Variants in MAML2 observed in about 807,000 individuals in gnomAD.
MAML2 encodes mastermind-like protein 2.
Under a neutral mutation model 96.1 loss-of-function variants are expected in MAML2, and 22 were observed. That is an observed-to-expected ratio of 0.23 (90% CI 0.16 to 0.33). MAML2 has a LOEUF of 0.33. Among genes scored for constraint, MAML2 ranks in the 10% least tolerant of loss-of-function variants. MAML2 has a pLI of 1.00. For missense variants in MAML2, 1,367 were observed against 1,392.4 expected, an observed-to-expected ratio of 0.98 and a Z score of 0.29; for synonymous variants, 561 against 521.3, an observed-to-expected ratio of 1.08 and a Z score of -1.04.
intron 1 of MAML2, among the ~76,000 whole-genome samples, chr11:96,197,548 C>T (rs1229846965): frequency 1.3e-5 from 2 of 152,194 alleles, no homozygotes; most frequent in Admixed American, 6.5e-5. Flanking sequence ...TTCCATTTCT[C>T]ATTTCTCGTA....
At chr11:96,286,248 C>A (rs1863137800) in intron 1 of MAML2, among the ~76,000 whole-genome samples, 1 of 152,224 alleles carries the variant, frequency 6.6e-6, no homozygotes, top group Non-Finnish European at 1.5e-5. Context: ...ACTGCATTTT[C>A]TCACTTATAA....
At chr11:96,278,944 G>C (rs1368452166) in intron 1 of MAML2, among the ~76,000 whole-genome samples, 1 of 152,156 alleles carries the variant, frequency 6.6e-6, no homozygotes, top group Non-Finnish European at 1.5e-5. Flanking sequence ...TGTGGCAGTG[G>C]CAGTGGGTAT....
At chr11:96,083,834 C>A (rs947647072) in intron 2 of MAML2, among the ~76,000 whole-genome samples, 1 of 152,066 alleles carries the variant, frequency 6.6e-6, no homozygotes, top group Non-Finnish European at 1.5e-5. Context: ...GGGAGATTCA[C>A]AAGAACAAAG....
chr11:95,994,749 A>G (rs910617705), intron 2 of MAML2, among the ~76,000 whole-genome samples: 1 of 152,246 alleles, frequency 6.6e-6, no homozygotes, highest in Non-Finnish European at 1.5e-5. Context: ...AAGACTTTCA[A>G]AAGAAGATTT....
At chr11:96,106,510 CT>C (rs1333065585) in intron 1 of MAML2, among the ~76,000 whole-genome samples, 1 of 152,176 alleles carries the variant, frequency 6.6e-6, no homozygotes, top group Non-Finnish European at 1.5e-5. Context: ...CTGACTGCCC[CT>C]GATTAGAAGG....
intron 1 of MAML2, among the ~76,000 whole-genome samples, chr11:96,273,738 T>C (rs1055902299): frequency 6.6e-6 from 1 of 152,154 alleles, no homozygotes; most frequent in African/African-American, 2.4e-5. Flanking sequence ...CCCTAAATTA[T>C]TGAGATTTAA....
At chr11:96,103,144 A>T (rs1235644963) in intron 1 of MAML2, among the ~76,000 whole-genome samples, 2 of 151,972 alleles carry the variant, frequency 1.3e-5, no homozygotes, top group Admixed American at 1.3e-4. Context: ...TCTGTCTTAT[A>T]TTGTTCTTGG....
At chr11:96,337,130 TA>T (rs1420442109) in intron 1 of MAML2, among the ~76,000 whole-genome samples, 2 of 152,172 alleles carry the variant, frequency 1.3e-5, no homozygotes, top group African/African-American at 4.8e-5. Context: ...AGGTCCTAGA[TA>T]GATAAGAATT....
intron 1 of MAML2, among the ~76,000 whole-genome samples, chr11:96,152,705 C>T (rs1860943655): frequency 6.6e-6 from 1 of 152,132 alleles, no homozygotes; most frequent in Non-Finnish European, 1.5e-5. Context: ...CAGAAACTTG[C>T]AATGTTTCCA....
chr11:96,038,404 C>A (rs1469682593), intron 2 of MAML2, among the ~76,000 whole-genome samples: 1 of 152,164 alleles, frequency 6.6e-6, no homozygotes, highest in Non-Finnish European at 1.5e-5. Context: ...CTGAACACAT[C>A]TTAGGAAATG....
intron 1 of MAML2, among the ~76,000 whole-genome samples, chr11:96,159,511 G>T (rs1354024769): frequency 2.2e-4 from 1 of 4,478 alleles, no homozygotes; most frequent in Non-Finnish European, 1.3e-3. Flanking sequence ...TGCGAGCTCC[G>T]GCCTCCCGGG....
intron 2 of MAML2, among the ~76,000 whole-genome samples, chr11:96,001,214 C>T (rs778072478): frequency 1.2e-4 from 18 of 152,140 alleles, no homozygotes; most frequent in Non-Finnish European, 2.2e-4. Flanking sequence ...GGGGTGGACA[C>T]GTATTACGGG....
At chr11:96,153,952 T>TAAATAA (rs1555016902) in intron 1 of MAML2, among the ~76,000 whole-genome samples, 1,497 of 141,594 alleles carry the variant, frequency 0.011, 14 homozygotes, top group Middle Eastern at 0.014. Context: ...TAAATAAATA[T>TAAATAA]GATAAAACAA....
At chr11:96,309,528 C>T (rs1863508678) in intron 1 of MAML2, among the ~76,000 whole-genome samples, 1 of 152,100 alleles carries the variant, frequency 6.6e-6, no homozygotes. Context: ...TTAATCTTGC[C>T]ACCATCCCTG....
chr11:96,113,179 A>AC (rs1860161650), intron 1 of MAML2, among the ~76,000 whole-genome samples: 2 of 35,870 alleles, frequency 5.6e-5, no homozygotes, highest in African/African-American at 1.6e-4. Context: ...AGACAAAAAA[A>AC]AAAAAAAAAA....
chr11:96,324,141 T>C (rs942320062), intron 1 of MAML2, among the ~76,000 whole-genome samples: 1 of 152,244 alleles, frequency 6.6e-6, no homozygotes, highest in Non-Finnish European at 1.5e-5. Context: ...TATCTGCTCC[T>C]ATACGAGGTG....
intron 1 of MAML2, among the ~76,000 whole-genome samples, chr11:96,241,978 G>C (rs1455504034): frequency 6.6e-6 from 1 of 152,116 alleles, no homozygotes; most frequent in Admixed American, 6.5e-5. Context: ...ACAGCTTTGG[G>C]TTATGGTTAC....
intron 1 of MAML2, among the ~76,000 whole-genome samples, chr11:96,219,270 C>A (rs950457108): frequency 2.6e-5 from 4 of 152,206 alleles, no homozygotes; most frequent in African/African-American, 4.8e-5. Context: ...ATCTTAGAAA[C>A]CATTCCTGTA....
chr11:96,160,523 G>A (rs575304304), intron 1 of MAML2, among the ~76,000 whole-genome samples: 1 of 151,668 alleles, frequency 6.6e-6, no homozygotes, highest in East Asian at 1.9e-4. Flanking sequence ...CCCTTCCAGG[G>A]TTCAAGTGAT....
Sources: gnomAD v4.1 joint callset for allele counts (sites outside exome capture counted in the v4.1 genomes callset) on GRCh38, gnomAD v4.1.1 for gene constraint, MANE v1.5 for transcripts, NCBI Gene and HGNC (gene_info 2026-07-23, HGNC 2026-07-21) for gene names.